The following RAB3GAP2 variants were observed in gnomAD, a reference collection of about 807,000 sequenced individuals.
The protein encoded by RAB3GAP2 is RAB3 GTPase activating non-catalytic protein subunit 2, also known as rab3 GTPase-activating protein non-catalytic subunit.
In RAB3GAP2, 87 loss-of-function variants were observed where a neutral mutation model predicts 185.3. The ratio of observed to expected loss-of-function variants is 0.47; its 90% confidence interval spans 0.39 to 0.56. The LOEUF (loss-of-function observed/expected upper bound fraction) is 0.56, where lower values mean the gene tolerates loss of function less well. Among genes scored for constraint, RAB3GAP2 ranks in the 20% least tolerant of loss-of-function variants. The pLI, the probability that RAB3GAP2 is intolerant of heterozygous loss-of-function variation, is 0.00. For missense variants in RAB3GAP2, 1,492 were observed against 1,638.2 expected (o/e 0.91, Z 1.54); for synonymous variants, 554 against 576.1 (o/e 0.96, Z 0.55).
At position 220,232,986 on chromosome 1, in the gene RAB3GAP2, G is replaced by C. The variant is rs973709335; in HGVS notation, c.116-123C>G. Reference sequence around the variant, plus strand: ...ATGCTGATATTAAGAAAGAAAATAAGGGTAAACTGTGTTATACCAGGATTT... The same window carrying C: ...ATGCTGATATTAAGAAAGAAAATAACGGTAAACTGTGTTATACCAGGATTT... On this transcript the variant is annotated intron_variant, in intron 1 of 34. Transcript: ENST00000358951. 1.2e-4 allele frequency: 95 copies of C among 771,906 alleles called. No individual in the cohort carries two copies. The African/African-American group carries it at 1.5e-3, about 12-fold the overall frequency. The allele number at this position is 771,906 out of a possible 1,614,324, so 47.8% of individuals were successfully genotyped here.
At chr1:220,256,302 A>C (rs528065936) in intron 1 of RAB3GAP2, among the ~76,000 whole-genome samples, 2 of 152,356 alleles carry the variant, frequency 1.3e-5, no homozygotes, top group South Asian at 4.1e-4. Flanking sequence ...CTACGAAAAC[A>C]CAGTGAAGTA....
chr1:220,228,848 A>G (rs148359226), intron 2 of RAB3GAP2, among the ~76,000 whole-genome samples: 332 of 152,370 alleles, frequency 2.2e-3, no homozygotes, highest in African/African-American at 7.3e-3. Flanking sequence ...CTATCAAGAC[A>G]AAGAACACCA....
intron 9 of RAB3GAP2, 85 bp from the exon 10 acceptor site, chr1:220,196,483 A>C: frequency 7.6e-7 from 1 of 1,318,094 alleles, no homozygotes; most frequent in Non-Finnish European, 1.1e-6. Flanking sequence ...AAGATGCTAA[A>C]TGTTTAGTTT....
intron 1 of RAB3GAP2, among the ~76,000 whole-genome samples, chr1:220,249,634 G>A (rs1333246163): frequency 2.0e-5 from 3 of 152,152 alleles, no homozygotes; most frequent in Non-Finnish European, 4.4e-5. Context: ...AATGTCACCA[G>A]TGCATGTCAG....
intron 21 of RAB3GAP2, among the ~76,000 whole-genome samples, chr1:220,177,833 A>G (rs1658323048): frequency 6.6e-6 from 1 of 152,202 alleles, no homozygotes; most frequent in Non-Finnish European, 1.5e-5. Context: ...TCAAAAGAGC[A>G]AATATTGGGG....
chr1:220,264,228 A>C (rs1227852848), intron 1 of RAB3GAP2, among the ~76,000 whole-genome samples: 1 of 152,106 alleles, frequency 6.6e-6, no homozygotes, highest in African/African-American at 2.4e-5. Context: ...AAGACTCTTA[A>C]GTATTAACAT....
chr1:220,240,024 T>G (rs920736515), intron 1 of RAB3GAP2, among the ~76,000 whole-genome samples: 1 of 151,966 alleles, frequency 6.6e-6, no homozygotes, highest in South Asian at 2.1e-4. Context: ...CACATCATTC[T>G]TGTGTCTGTA....
rs1266479833 is a variant in RAB3GAP2, at chr1:220,149,991, C to T, written c.*1260G>A. The stretch of plus-strand genomic sequence containing the variant: ...TATGAATAATAATTGTGATCCATGA[C>T]AGATACCCATAATTACACTGTATGG... On this transcript the variant is annotated 3_prime_UTR_variant, in exon 35 of 35. Transcript: ENST00000358951. 1 of 152,092 alleles carries T rather than the reference C, an allele frequency of 6.6e-6. No homozygotes were observed. Among genetic ancestry groups the T allele is most frequent in the Admixed American group, 6.6e-5 (1 of 15,262 alleles). 9.4% of individuals were successfully genotyped at this position (152,092 alleles called of 1,614,324 possible). A position where few individuals can be genotyped will look rare whatever the true frequency, so the allele number is the denominator to read the frequency against.
intron 11 of RAB3GAP2, 27 bp downstream of exon 11, chr1:220,195,269 ATT>A: frequency 8.1e-6 from 13 of 1,598,804 alleles, no homozygotes; most frequent in Non-Finnish European, 1.1e-5. Context: ...CAAATGAGAT[ATT>A]TGTTATTTTA....
chr1:220,255,184 A>AT (rs1660013070), intron 1 of RAB3GAP2, among the ~76,000 whole-genome samples: 1 of 151,456 alleles, frequency 6.6e-6, no homozygotes, highest in African/African-American at 2.4e-5. Context: ...TCTTCAATAA[A>AT]TTTTTTCTTT....
chr1:220,237,846 TATGTA>T (rs1255130449), intron 1 of RAB3GAP2, among the ~76,000 whole-genome samples: 4 of 151,368 alleles, frequency 2.6e-5, no homozygotes, highest in Admixed American at 2.6e-4. Context: ...ATGAGCTACC[TATGTA>T]ATTTTAAATT....
intron 19 of RAB3GAP2, 112 bp downstream of exon 19, chr1:220,183,924 C>T: frequency 1.1e-6 from 1 of 933,444 alleles, no homozygotes; most frequent in Non-Finnish European, 1.6e-6. Flanking sequence ...GAAAATATAC[C>T]TTTAAAGCTT....
At chr1:220,211,061 C>T (rs1659077670) in intron 4 of RAB3GAP2, 59 bp from the exon 5 acceptor site, 1 of 1,490,438 alleles carries the variant, frequency 6.7e-7, no homozygotes, top group African/African-American at 1.4e-5. Flanking sequence ...ACTTTTATTT[C>T]TCTATAATTG....
At chr1:220,184,218 C>T in intron 18 of RAB3GAP2, 55 bp from the exon 19 acceptor site, 3 of 1,490,770 alleles carry the variant, frequency 2.0e-6, no homozygotes, top group Non-Finnish European at 2.8e-6. Flanking sequence ...GACTCATAAA[C>T]AGGCTTTGCT....
Position 220,151,594 on chromosome 1 carries a change from T to G in RAB3GAP2, c.4026+12A>C. 6.2e-7 allele frequency: 1 copy of G among 1,605,292 alleles called. No homozygotes were observed. The highest frequency in any genetic ancestry group is 2.2e-5 in the East Asian group (1 of 44,834). On this transcript the variant is annotated intron_variant, in intron 34 of 34. Transcript: ENST00000358951. ...AATGACCTTTTGCCTGATCTCGTTC[T>G]ATTGTACTGACCATTGCTTTCAGCC...
intron 2 of RAB3GAP2, among the ~76,000 whole-genome samples, chr1:220,223,252 A>G (rs1014471604): frequency 1.3e-5 from 2 of 152,210 alleles, no homozygotes; most frequent in Non-Finnish European, 2.9e-5. Flanking sequence ...TCTAGGTGTC[A>G]TGGAGTAAAA....
At chr1:220,152,469 A>C (rs949967450) in intron 33 of RAB3GAP2, among the ~76,000 whole-genome samples, 4 of 152,108 alleles carry the variant, frequency 2.6e-5, no homozygotes, top group Non-Finnish European at 5.9e-5. Context: ...GCCTCATGCC[A>C]TACTTCTTTA....
chr1:220,190,018 G>T (rs1258913905), intron 16 of RAB3GAP2, 46 bp downstream of exon 16: 1 of 1,423,646 alleles, frequency 7.0e-7, no homozygotes, highest in South Asian at 1.2e-5. Flanking sequence ...TGATTTAAAA[G>T]ATGATAGAAC....
chr1:220,178,751 A>G (rs1253731270), intron 21 of RAB3GAP2, among the ~76,000 whole-genome samples: 1 of 152,182 alleles, frequency 6.6e-6, no homozygotes, highest in Non-Finnish European at 1.5e-5. Flanking sequence ...CACAGCAACT[A>G]ATAAACAAGT....
Sources: allele counts gnomAD v4.1 joint callset (sites outside exome capture counted in the v4.1 genomes callset), GRCh38; gene constraint gnomAD v4.1.1; transcripts MANE v1.5; gene names NCBI Gene and HGNC (gene_info 2026-07-23, HGNC 2026-07-21).